WASF1: variants seen among roughly 807,000 people sequenced by gnomAD.
The protein encoded by WASF1 is WASP family member 1, also known as actin-binding protein WASF1.
Under a neutral mutation model 50.5 loss-of-function variants are expected in WASF1, and 7 were observed. The ratio of observed to expected loss-of-function variants is 0.14; its 90% confidence interval spans 0.08 to 0.26. The LOEUF (loss-of-function observed/expected upper bound fraction) is 0.26, where lower values mean the gene tolerates loss of function less well. Ranked by LOEUF, WASF1 falls within the 10% of genes least tolerant of loss-of-function variation. WASF1 has a pLI of 1.00. For synonymous variants in WASF1, 205 were observed against 244.0 expected, an observed-to-expected ratio of 0.84 and a Z score of 1.49; for missense variants, 470 against 694.7, an observed-to-expected ratio of 0.68 and a Z score of 3.64.
chr6:110,118,347 CAAAAAAAAAAAAAAAAA>C (rs56948481), intron 4 of WASF1, among the ~76,000 whole-genome samples: 4 of 7,474 alleles, frequency 5.4e-4, no homozygotes, highest in Non-Finnish European at 1.0e-3. Context: ...AAACGGAAAG[CAAAAAAAAAAAAAAAAA>C]AAAAAAAAAA....
intron 4 of WASF1, 42 bp downstream of exon 4, chr6:110,127,427 C>T: frequency 1.3e-6 from 2 of 1,504,108 alleles, no homozygotes; most frequent in Admixed American, 2.1e-5. Flanking sequence ...TAAAGCATAA[C>T]ATTCTGGTTT....
intron 3 of WASF1, among the ~76,000 whole-genome samples, chr6:110,147,749 G>A (rs1165143180): frequency 6.6e-6 from 1 of 152,092 alleles, no homozygotes; most frequent in African/African-American, 2.4e-5. Context: ...GGTTATTACT[G>A]TATTATTTTT....
intron 3 of WASF1, among the ~76,000 whole-genome samples, chr6:110,146,380 T>C (rs1775561994): frequency 6.6e-6 from 1 of 151,598 alleles, no homozygotes; most frequent in South Asian, 2.1e-4. Flanking sequence ...TATAAGAATG[T>C]TTAAATAGAG....
intron 3 of WASF1, among the ~76,000 whole-genome samples, chr6:110,133,602 A>G (rs1774800388): frequency 6.6e-6 from 1 of 152,026 alleles, no homozygotes; most frequent in East Asian, 1.9e-4. Flanking sequence ...GCAAGGTGGT[A>G]TTGTGGTTTT....
chr6:110,103,765 T>C (rs1773197043), intron 8 of WASF1, among the ~76,000 whole-genome samples: 1 of 152,216 alleles, frequency 6.6e-6, no homozygotes, highest in African/African-American at 2.4e-5. Context: ...GATTTAGAGA[T>C]CTACTATGAT....
chr6:110,113,161 T>A (rs1369804770), intron 5 of WASF1, among the ~76,000 whole-genome samples, 165 bp downstream of exon 5: 1 of 152,150 alleles, frequency 6.6e-6, no homozygotes, highest in Non-Finnish European at 1.5e-5. Context: ...CGGAGAATCA[T>A]ACTGATGGCA....
At chr6:110,113,805 G>T (rs1773676882) in intron 4 of WASF1, among the ~76,000 whole-genome samples, 1 of 152,024 alleles carries the variant, frequency 6.6e-6, no homozygotes, top group Non-Finnish European at 1.5e-5. Context: ...ATATTTTAAA[G>T]ATATGAATGC....
intron 4 of WASF1, among the ~76,000 whole-genome samples, chr6:110,126,248 G>T (rs2114513973): frequency 6.6e-6 from 1 of 151,996 alleles, no homozygotes; most frequent in South Asian, 2.1e-4. Context: ...TATTTAAACT[G>T]GGAACTCTAA....
At chr6:110,133,869 G>A (rs1774817258) in intron 3 of WASF1, among the ~76,000 whole-genome samples, 1 of 152,010 alleles carries the variant, frequency 6.6e-6, no homozygotes, top group Admixed American at 6.6e-5. Context: ...GTTTAATTAA[G>A]TCTTATATAT....
At chr6:110,144,478 T>C (rs527595800) in intron 3 of WASF1, among the ~76,000 whole-genome samples, 47 of 152,352 alleles carry the variant, frequency 3.1e-4, no homozygotes, top group African/African-American at 1.1e-3. Flanking sequence ...TTAGATCCCA[T>C]TTGTCAATTC....
intron 3 of WASF1, among the ~76,000 whole-genome samples, chr6:110,132,264 A>T (rs1774711884): frequency 6.6e-6 from 1 of 151,974 alleles, no homozygotes; most frequent in Non-Finnish European, 1.5e-5. Context: ...GGATTTTTAA[A>T]TGTACACAAT....
At position 110,100,319 on chromosome 6, in the gene WASF1, G is replaced by GA. The variant is rs1028536890; in HGVS notation, c.*202dup. 5.8e-5 allele frequency: 29 copies of GA among 497,574 alleles called. No individual in the cohort carries two copies. Among genetic ancestry groups the GA allele is most frequent in the Admixed American group, 8.0e-5 (2 of 25,056 alleles). 30.8% of individuals were successfully genotyped at this position (497,574 alleles called of 1,614,324 possible). A position where few individuals can be genotyped will look rare whatever the true frequency, so the allele number is the denominator to read the frequency against. Reference sequence around the variant, plus strand: ...TTGACCAAATTAGTCTTTTCAGGGGGAAAAAAAAGATAAGCCACTGTAAAA... The same window carrying GA: ...TTGACCAAATTAGTCTTTTCAGGGGGAAAAAAAAAGATAAGCCACTGTAAAA... On this transcript the variant is annotated 3_prime_UTR_variant, in exon 11 of 11. Transcript: ENST00000392589.
In WASF1 at chr6:110,144,053, G is replaced by C. The variant is rs534053463; in HGVS notation, c.-28-16424C>G. Among the ~76,000 whole-genome samples, 663 of 152,216 alleles carry C rather than the reference G, an allele frequency of 4.4e-3. 6 individuals carry two copies. The highest frequency in any genetic ancestry group is 0.015 in the African/African-American group (634 of 41,518). On this transcript the variant is annotated intron_variant, in intron 3 of 10. Transcript: ENST00000392589. ...GAATCACCACACCGACTTCCACAAT[G>C]GTTGAACTAGTTTACAGTCCCACCA...
chr6:110,146,293 CTTA>C (rs1775557850), intron 3 of WASF1, among the ~76,000 whole-genome samples: 1 of 151,972 alleles, frequency 6.6e-6, no homozygotes, highest in Non-Finnish European at 1.5e-5. Flanking sequence ...AGGGCAAATA[CTTA>C]TTAAGAAATG....
chr6:110,166,534 T>G (rs1050383281), intron 2 of WASF1, among the ~76,000 whole-genome samples: 2 of 151,914 alleles, frequency 1.3e-5, no homozygotes, highest in African/African-American at 2.4e-5. Context: ...ATTAAAATAA[T>G]AAACTAATAT....
At chr6:110,102,421 C>T (rs1161330044) in intron 9 of WASF1, among the ~76,000 whole-genome samples, 3 of 151,574 alleles carry the variant, frequency 2.0e-5, no homozygotes, top group Non-Finnish European at 4.4e-5. Context: ...ATGAGTGGTG[C>T]TTTGGTTTGT....
intron 2 of WASF1, among the ~76,000 whole-genome samples, chr6:110,175,234 T>C (rs916233068): frequency 6.6e-6 from 1 of 152,108 alleles, no homozygotes; most frequent in East Asian, 1.9e-4. Context: ...TTCTTCAAAG[T>C]ATGAATAAAA....
At chr6:110,111,594 A>C (rs1467449964) in intron 5 of WASF1, among the ~76,000 whole-genome samples, 1 of 152,214 alleles carries the variant, frequency 6.6e-6, no homozygotes, top group Non-Finnish European at 1.5e-5. Context: ...CATCAGGGAG[A>C]TATAAATACA....
At chr6:110,122,052 G>T (rs1774159145) in intron 4 of WASF1, among the ~76,000 whole-genome samples, 1 of 151,964 alleles carries the variant, frequency 6.6e-6, no homozygotes, top group Non-Finnish European at 1.5e-5. Flanking sequence ...GGGGCTGGGG[G>T]AGGGATAGCA....
Sources: allele counts gnomAD v4.1 joint callset (sites outside exome capture counted in the v4.1 genomes callset), GRCh38; gene constraint gnomAD v4.1.1; transcripts MANE v1.5; gene names NCBI Gene and HGNC (gene_info 2026-07-23, HGNC 2026-07-21).